FGF14: variants seen among roughly 807,000 people sequenced by gnomAD.
The protein encoded by FGF14 is fibroblast growth factor 14.
FGF14 carries 5 observed loss-of-function variants against 25.5 expected under a neutral mutation model. The ratio of observed to expected loss-of-function variants is 0.20; its 90% CI spans 0.10 to 0.41. FGF14 has a LOEUF of 0.41. FGF14 is among the 10% of genes least tolerant of loss of function. The pLI, the probability that FGF14 is intolerant of heterozygous loss-of-function variation, is 1.00. For synonymous variants in FGF14, 138 were observed against 118.3 expected (o/e 1.17, Z -1.08); for missense variants, 222 against 320.1 (o/e 0.69, Z 2.34).
intron 3 of FGF14, among the ~76,000 whole-genome samples, chr13:101,770,254 T>C (rs1031925567): frequency 6.6e-6 from 1 of 152,162 alleles, no homozygotes; most frequent in Non-Finnish European, 1.5e-5. Context: ...CCATTCATTG[T>C]GGGCTAATGT....
intron 1 of FGF14, among the ~76,000 whole-genome samples, chr13:102,304,024 G>C (rs2055227552): frequency 6.6e-6 from 1 of 152,032 alleles, no homozygotes; most frequent in Admixed American, 6.6e-5. Context: ...CTCAAAAGTT[G>C]GTTGGTGTTT....
chr13:101,930,534 C>A (rs2034681328), intron 1 of FGF14, among the ~76,000 whole-genome samples: 1 of 152,142 alleles, frequency 6.6e-6, no homozygotes, highest in Admixed American at 6.5e-5. Flanking sequence ...AATCATTCAG[C>A]GATTTTCTTT....
At chr13:102,379,048 T>C (rs1433766932) in intron 1 of FGF14, among the ~76,000 whole-genome samples, 2 of 152,156 alleles carry the variant, frequency 1.3e-5, no homozygotes, top group East Asian at 3.8e-4. Flanking sequence ...ATTGAGCTTT[T>C]TCATTCATTC....
At chr13:102,102,268 T>C (rs1339589458) in intron 1 of FGF14, among the ~76,000 whole-genome samples, 2 of 152,198 alleles carry the variant, frequency 1.3e-5, no homozygotes, top group East Asian at 3.9e-4. Flanking sequence ...CAGTTTCTTG[T>C]CGAAAGTCAC....
chr13:102,371,676 T>C (rs1048305811), intron 1 of FGF14, among the ~76,000 whole-genome samples: 47 of 152,258 alleles, frequency 3.1e-4, no homozygotes, highest in East Asian at 1.9e-4. Flanking sequence ...TCTTGGCACA[T>C]AGAAGATCGA....
intron 3 of FGF14, among the ~76,000 whole-genome samples, chr13:101,750,108 G>A (rs1430681866): frequency 1.3e-5 from 2 of 152,042 alleles, no homozygotes; most frequent in Admixed American, 1.3e-4. Context: ...CTTTGATCTG[G>A]AGTTCCCAGC....
intron 1 of FGF14, among the ~76,000 whole-genome samples, chr13:102,009,883 C>T (rs1261992954): frequency 3.3e-5 from 5 of 152,120 alleles, no homozygotes; most frequent in African/African-American, 1.2e-4. Context: ...GTGAAGCCTT[C>T]CAAAGCCATA....
chr13:102,394,937 C>T (rs1315026482), intron 1 of FGF14: 3 of 152,544 alleles, frequency 2.0e-5, no homozygotes, highest in Non-Finnish European at 2.9e-5. Context: ...GGCCCAGAGC[C>T]GTGGCTTCTG....
chr13:102,114,130 TAA>T (rs2045355416), intron 1 of FGF14, among the ~76,000 whole-genome samples: 1 of 152,206 alleles, frequency 6.6e-6, no homozygotes, highest in African/African-American at 2.4e-5. Context: ...AAAATGAAAC[TAA>T]AAGAGTGTCT....
intron 1 of FGF14, among the ~76,000 whole-genome samples, chr13:102,037,130 A>AT (rs2041515069): frequency 6.6e-6 from 1 of 152,168 alleles, no homozygotes; most frequent in South Asian, 2.1e-4. Flanking sequence ...AAGAGAGACT[A>AT]TAACTCTTAA....
At chr13:101,921,423 G>A (rs905087377), upstream of FGF14, among the ~76,000 whole-genome samples, 2 of 152,036 alleles carry the variant, frequency 1.3e-5, no homozygotes, top group Non-Finnish European at 2.9e-5. Context: ...TCCAATCCTC[G>A]CCACTTCTGA....
chr13:102,362,043 T>C lies in FGF14; in HGVS notation c.208+39428A>G, dbSNP rs142526341. 8.9e-3 allele frequency among the ~76,000 whole-genome samples: 1,361 copies of C among 152,256 alleles called. 9 individuals carry two copies. Among genetic ancestry groups the C allele is most frequent in the Non-Finnish European group, 0.015 (1,018 of 68,008 alleles). On this transcript the variant is annotated intron_variant, in intron 1 of 4. Coordinates refer to the FGF14 transcript ENST00000376131. ...GGACTTCATCTTCTTATTTGAAGTATTGTCGTGCCCTTCTTCCTGGGGCCA... is the reference window on the plus strand; with the variant it reads ...GGACTTCATCTTCTTATTTGAAGTACTGTCGTGCCCTTCTTCCTGGGGCCA...
At chr13:101,742,803 T>TCC (rs2036638573) in intron 3 of FGF14, among the ~76,000 whole-genome samples, 1 of 152,038 alleles carries the variant, frequency 6.6e-6, no homozygotes, top group South Asian at 2.1e-4. Flanking sequence ...GCTACATACC[T>TCC]CCCTCGCAAT....
intron 1 of FGF14, among the ~76,000 whole-genome samples, chr13:102,001,043 G>C (rs1227807511): frequency 6.6e-6 from 1 of 152,134 alleles, no homozygotes; most frequent in African/African-American, 2.4e-5. Context: ...ATGAAGAATA[G>C]AGTCAGGAAA....
intron 3 of FGF14, among the ~76,000 whole-genome samples, chr13:101,777,339 A>G (rs148798049): frequency 3.8e-4 from 58 of 152,260 alleles, no homozygotes; most frequent in Non-Finnish European, 7.4e-4. Context: ...GTCACTAGTG[A>G]GTAACGGAGG....
Position 101,718,185 on chromosome 13 carries a change from A to G in FGF14, c.*4646T>C, listed in dbSNP as rs959519439. 6.6e-6 allele frequency: 1 copy of G among 152,264 alleles called. No individual in the cohort carries two copies. Among genetic ancestry groups the G allele is most frequent in the Non-Finnish European group, 1.5e-5 (1 of 67,996 alleles). 9.4% of individuals were successfully genotyped at this position (152,264 alleles called of 1,614,324 possible). A position where few individuals can be genotyped will look rare whatever the true frequency, so the allele number is the denominator to read the frequency against. ...TAAGGAATGCTTTTTCTTTGAAAAC[A>G]GAAATATTTTTACTTATTTCTGTCC... is the stretch of plus-strand genomic sequence containing the variant. On this transcript the variant is annotated 3_prime_UTR_variant, in exon 5 of 5. Coordinates refer to ENST00000376143, the MANE Select transcript of FGF14 (RefSeq NM_004115.4).
intron 1 of FGF14, among the ~76,000 whole-genome samples, chr13:102,056,384 G>C (rs956535433): frequency 6.6e-6 from 1 of 152,224 alleles, no homozygotes; most frequent in Non-Finnish European, 1.5e-5. Context: ...ATTGGTGCAA[G>C]AGTTTTCAGT....
chr13:102,105,982 T>G (rs576026007), intron 1 of FGF14, among the ~76,000 whole-genome samples: 17 of 152,196 alleles, frequency 1.1e-4, no homozygotes, highest in Non-Finnish European at 2.2e-4. Context: ...GGTGGTGGAT[T>G]ACAGACTGTA....
chr13:101,884,391 C>A (rs963318678), intron 1 of FGF14, among the ~76,000 whole-genome samples: 2 of 151,908 alleles, frequency 1.3e-5, no homozygotes, highest in Non-Finnish European at 2.9e-5. Flanking sequence ...GGGGCTGTCA[C>A]AAAAACAGGG....
Sources: gnomAD v4.1 joint callset for allele counts (sites outside exome capture counted in the v4.1 genomes callset) on GRCh38, gnomAD v4.1.1 for gene constraint, MANE v1.5 for transcripts, NCBI Gene and HGNC (gene_info 2026-07-23, HGNC 2026-07-21) for gene names.